Variants in SLC25A26 observed in about 807,000 individuals in gnomAD.
SLC25A26 encodes the protein mitochondrial S-adenosylmethionine carrier protein.
SLC25A26 carries 36 observed loss-of-function variants against 37.8 expected under a neutral mutation model. The ratio of observed to expected loss-of-function variants is 0.95; its 90% CI spans 0.73 to 1.26. The LOEUF (loss-of-function observed/expected upper bound fraction) is 1.26, where lower values mean the gene tolerates loss of function less well. Ranked by LOEUF, SLC25A26 falls within the 50% of genes most tolerant of loss-of-function variation. The probability of loss-of-function intolerance (pLI) is 0.00; values close to 1 mark genes in which losing one functional copy is unlikely to be tolerated. For missense variants in SLC25A26, 390 were observed against 331.1 expected, an observed-to-expected ratio of 1.18 and a Z score of -1.38; for synonymous variants, 129 against 122.5, an observed-to-expected ratio of 1.05 and a Z score of -0.35.
intron 1 of SLC25A26, among the ~76,000 whole-genome samples, chr3:66,150,464 C>T (rs528786677): frequency 7.5e-4 from 108 of 144,548 alleles, no homozygotes; most frequent in Admixed American, 4.0e-3. Flanking sequence ...CCCCAGTGCA[C>T]TCTAGCCTGG....
chr3:66,205,044 T>C (rs1037450514), intron 1 of SLC25A26, among the ~76,000 whole-genome samples: 3 of 152,232 alleles, frequency 2.0e-5, no homozygotes, highest in Admixed American at 1.3e-4. Flanking sequence ...TTGTTAGTTA[T>C]TTGTTTTATT....
intron 1 of SLC25A26, among the ~76,000 whole-genome samples, chr3:66,172,414 A>AAAAAAAAAAG (rs1695408167): frequency 7.0e-6 from 1 of 143,582 alleles, no homozygotes; most frequent in South Asian, 2.1e-4. Context: ...TGTAAAGAAA[A>AAAAAAAAAAG]AAAAAAAAAA....
upstream of SLC25A26, among the ~76,000 whole-genome samples, chr3:66,217,843 C>A (rs892423985): frequency 6.6e-6 from 1 of 152,184 alleles, no homozygotes; most frequent in Non-Finnish European, 1.5e-5. Flanking sequence ...AGCCACGGCG[C>A]CCAGCCTTAT....
chr3:66,296,084 T>C (rs1011947699), intron 5 of SLC25A26, among the ~76,000 whole-genome samples: 1 of 152,064 alleles, frequency 6.6e-6, no homozygotes, highest in African/African-American at 2.4e-5. Context: ...ACCATTGCAC[T>C]GCAGCCTGGG....
In SLC25A26 at chr3:66,362,868, G is replaced by C; in HGVS notation, c.507G>C (p.Trp169Cys). The change falls in exon 7 of 10, where the codon TGG (tryptophan) becomes TGC (cysteine). Residue 169 changes from tryptophan (W) to cysteine (C), a missense_variant. By Grantham distance (215) the Trp-to-Cys change is radical. Coordinates refer to ENST00000354883, the MANE Select transcript of SLC25A26 (RefSeq NM_001379210.1). ...FPLWESLKAL[W>C]SWRQDHVVDS... ...TTTCTCCTTAAACACAGGCCCTCTGGTCCTGGAGGCAGGATCATGTGGTGG... is the reference window on the plus strand; with the variant it reads ...TTTCTCCTTAAACACAGGCCCTCTGCTCCTGGAGGCAGGATCATGTGGTGG... The C allele has an allele frequency of 6.2e-7, 1 of 1,603,448 alleles. No homozygotes were observed.
intron 5 of SLC25A26, among the ~76,000 whole-genome samples, chr3:66,281,971 C>G (rs1039487201): frequency 1.3e-5 from 2 of 148,768 alleles, no homozygotes; most frequent in Non-Finnish European, 3.0e-5. Flanking sequence ...TACAGGCACG[C>G]ACCACCACAC....
In SLC25A26 at chr3:66,181,161, T is replaced by C. The variant is rs572314976; in HGVS notation, c.-353-39581T>C. Among the ~76,000 whole-genome samples the C allele has an allele frequency of 7.9e-5, 12 of 152,366 alleles. 1 individual carries two copies. In the South Asian group the frequency reaches 2.5e-3, roughly 32 times the overall value. Reference sequence around the variant, plus strand: ...CTGTTTGGCAGTTCTAGGCAACTAATACAATGTCTTTTAACACTGAAAGGC... The same window carrying C: ...CTGTTTGGCAGTTCTAGGCAACTAACACAATGTCTTTTAACACTGAAAGGC... On this transcript the variant is annotated intron_variant, in intron 1 of 10. Transcript: ENST00000676754.
chr3:66,355,921 A>G (rs1413723182), intron 6 of SLC25A26: 2 of 436,262 alleles, frequency 4.6e-6, no homozygotes, highest in Non-Finnish European at 9.1e-6. Flanking sequence ...CCATTATCTT[A>G]AATTTTGTCA....
At chr3:66,163,843 G>T (rs1012487400) in intron 1 of SLC25A26, among the ~76,000 whole-genome samples, 6 of 152,166 alleles carry the variant, frequency 3.9e-5, no homozygotes, top group Non-Finnish European at 8.8e-5. Context: ...TAGACTAGTG[G>T]TTCTCACCTG....
intron 5 of SLC25A26, among the ~76,000 whole-genome samples, chr3:66,274,123 A>T (rs1483666112): frequency 4.6e-5 from 7 of 151,880 alleles, no homozygotes; most frequent in Admixed American, 4.6e-4. Context: ...GATCTTTGAC[A>T]AACCTGAGAA....
chr3:66,369,472 G>C lies in SLC25A26; in HGVS notation c.569-6G>C, dbSNP rs1164044133. 1 of 1,600,500 alleles carries C rather than the reference G, an allele frequency of 6.2e-7. No individual in the cohort carries two copies. Among genetic ancestry groups the C allele is most frequent in the South Asian group, 1.1e-5 (1 of 87,906 alleles). ...CTCACTTGGGTGTTGGGTATTATTTGTACAGGTGGATTTGCCGCTGCAGTC... is the reference window on the plus strand; with the variant it reads ...CTCACTTGGGTGTTGGGTATTATTTCTACAGGTGGATTTGCCGCTGCAGTC... On this transcript the variant is annotated splice_polypyrimidine_tract_variant and splice_region_variant and intron_variant, in intron 7 of 9. Transcript: ENST00000354883.
chr3:66,242,669 G>A (rs370295241), intron 2 of SLC25A26, among the ~76,000 whole-genome samples: 44,194 of 115,980 alleles, frequency 0.38, 9,835 homozygotes, highest in African/African-American at 0.63. Flanking sequence ...CTTTTTAGAG[G>A]TTTTTAGAGA....
chr3:66,327,736 G>A (rs534970835), intron 5 of SLC25A26, among the ~76,000 whole-genome samples: 13 of 152,122 alleles, frequency 8.5e-5, no homozygotes, highest in African/African-American at 1.9e-4. Context: ...AAAGCTACAC[G>A]TATTTAATGT....
intron 1 of SLC25A26, among the ~76,000 whole-genome samples, chr3:66,152,953 G>C (rs947896315): frequency 2.0e-5 from 3 of 152,146 alleles, no homozygotes; most frequent in Non-Finnish European, 4.4e-5. Context: ...TAGATGTCTA[G>C]ATTTGTAAAA....
intron 1 of SLC25A26, among the ~76,000 whole-genome samples, chr3:66,200,098 A>G (rs1269657039): frequency 6.6e-6 from 1 of 152,228 alleles, no homozygotes; most frequent in Non-Finnish European, 1.5e-5. Flanking sequence ...GATCTATTAC[A>G]ATGAGGTAAA....
intron 3 of SLC25A26, among the ~76,000 whole-genome samples, chr3:66,248,609 A>C (rs959060626): frequency 6.6e-6 from 1 of 152,182 alleles, no homozygotes; most frequent in Non-Finnish European, 1.5e-5. Flanking sequence ...TTCACCCTTG[A>C]AAGCAGCAAC....
rs1181001745 is a variant in SLC25A26, at chr3:66,226,714, C to G, written c.33+5587C>G. ...CTGGCCTCAAGCAATCCTCCTGACT[C>G]AGCTTCAAAGTGCTGAGATTACAGG... On this transcript the variant is annotated intron_variant, in intron 1 of 9. Coordinates refer to ENST00000354883, the MANE Select transcript of SLC25A26 (RefSeq NM_001379210.1). Among the ~76,000 whole-genome samples, 7 of 152,140 alleles carry G rather than the reference C, an allele frequency of 4.6e-5. No individual in the cohort carries two copies. The East Asian group carries it at 7.7e-4, about 17-fold the overall frequency.
chr3:66,334,699 A>G (rs2076055411), intron 5 of SLC25A26, among the ~76,000 whole-genome samples: 1 of 152,076 alleles, frequency 6.6e-6, no homozygotes, highest in African/African-American at 2.4e-5. Context: ...CATGTCCCAA[A>G]TATGATCTGT....
At chr3:66,139,007 A>T (rs189305218) in intron 1 of SLC25A26, among the ~76,000 whole-genome samples, 1 of 152,150 alleles carries the variant, frequency 6.6e-6, no homozygotes, top group Non-Finnish European at 1.5e-5. Flanking sequence ...GTTGAAACGA[A>T]TTCAAATTGC....
Sources: gnomAD v4.1 joint callset for allele counts (sites outside exome capture counted in the v4.1 genomes callset) on GRCh38, gnomAD v4.1.1 for gene constraint, MANE v1.5 for transcripts, NCBI Gene and HGNC (gene_info 2026-07-23, HGNC 2026-07-21) for gene names.